The following KIRREL2 variants were observed in gnomAD, a reference collection of about 807,000 sequenced individuals.
KIRREL2 encodes kin of IRRE-like protein 2.
KIRREL2 carries 56 observed loss-of-function variants against 73.4 expected under a neutral mutation model. The observed-to-expected ratio is 0.76, with a 90% CI of 0.62 to 0.95. KIRREL2 has a LOEUF of 0.95. Among genes scored for constraint, KIRREL2 ranks in the 40% least tolerant of loss-of-function variants. The probability of loss-of-function intolerance (pLI) is 0.00; values close to 1 mark genes in which losing one functional copy is unlikely to be tolerated. For missense variants in KIRREL2, 896 were observed against 935.0 expected (o/e 0.96, Z 0.54); for synonymous variants, 407 against 404.0 (o/e 1.01, Z -0.09).
At position 35,862,561 on chromosome 19, in the gene KIRREL2, A is replaced by C. The variant is rs1187283207; in HGVS notation, c.1579A>C (p.Thr527Pro). The change falls in exon 12 of 15, where the codon ACT becomes CCT. Residue 527 changes from threonine to proline, a missense_variant. Transcript: ENST00000360202. ...CACCACAACTCTCCTTATGGTCATC[A>C]CTGGGGTGGCCCTCTGCTGCTGGCG... ...AATTTLLMVI[T>P]GVALCCWRHS... 6.2e-7 allele frequency: 1 copy of C among 1,609,970 alleles called. No homozygotes were observed. The highest frequency in any genetic ancestry group is 8.5e-7 in the Non-Finnish European group (1 of 1,179,914).
At chr19:35,864,814 C>G (rs1414598156) in intron 14 of KIRREL2, 101 bp downstream of exon 14, 5 of 907,078 alleles carry the variant, frequency 5.5e-6, no homozygotes, top group Non-Finnish European at 8.7e-6. Flanking sequence ...CTCCTTTTTC[C>G]TTCTGTTGTC....
intron 13 of KIRREL2, among the ~76,000 whole-genome samples, chr19:35,863,927 C>T (rs1488488575): frequency 6.6e-6 from 1 of 152,116 alleles, no homozygotes; most frequent in Non-Finnish European, 1.5e-5. Context: ...GCACCCGCCA[C>T]CATGTCCAGC....
upstream of KIRREL2, among the ~76,000 whole-genome samples, chr19:35,853,870 AGTCTTGCTCT>A (rs1397286564): frequency 1.6e-5 from 1 of 61,702 alleles, no homozygotes; most frequent in Non-Finnish European, 3.0e-5. Context: ...TTTGAGAGGG[AGTCTTGCTCT>A]GTCACCCAGG....
At chr19:35,856,570 A>T (rs767330571), upstream of KIRREL2, 42 of 160,952 alleles carry the variant, frequency 2.6e-4, no homozygotes, top group Non-Finnish European at 8.2e-5. The surrounding 1 kb of genome is among the most constrained non-coding windows in gnomAD (Gnocchi z 5.9). Flanking sequence ...AGGAGCTCCC[A>T]TTTATAGCTC....
chr19:35,856,841 G>A, upstream of KIRREL2: 1 of 524,630 alleles, frequency 1.9e-6, no homozygotes, highest in Non-Finnish European at 3.4e-6. This position sits in a 1 kb window ranked among gnomAD's most constrained non-coding sequence, Gnocchi z 5.9. Flanking sequence ...TTCTCAACGG[G>A]AAGAGGGCGG....
Position 35,866,430 on chromosome 19 carries a change from C to T in KIRREL2, c.2065C>T (p.Pro689Ser), listed in dbSNP as rs1338488077. The T allele has an allele frequency of 1.9e-6, 3 of 1,604,530 alleles. No homozygotes were observed. The highest frequency in any genetic ancestry group is 1.7e-6 in the Non-Finnish European group (2 of 1,171,384). ...GCCCCCAGATCTGGCCCCCGGGACT[C>T]CCCCCTTCCCATATGCTGCCTTCCC... Reference protein sequence around the residue: ...FGPPDLAPGTPPFPYAAFPTP... With the variant: ...FGPPDLAPGTSPFPYAAFPTP... The change falls in exon 15 of 15, where the codon CCC becomes TCC. Residue 689 changes from proline (P) to serine (S), a missense_variant. By Grantham distance (74) the Pro-to-Ser change is moderately conservative. Coordinates refer to ENST00000360202, the MANE Select transcript of KIRREL2 (RefSeq NM_199180.4).
chr19:35,863,103 G>A (rs924878599), intron 13 of KIRREL2, 67 bp downstream of exon 13: 19 of 904,602 alleles, frequency 2.1e-5, no homozygotes, highest in Non-Finnish European at 3.0e-5. Flanking sequence ...GTCCCAAGAG[G>A]GTCCCCAAAT....
rs563831103 is a variant in KIRREL2, at chr19:35,866,487, G to A, written c.2122G>A (p.Val708Met). Residue 708 changes from valine (V) to methionine (M), a missense_variant, in exon 15 of 15, where the codon GTG becomes ATG. Val to Met is a conservative substitution (Grantham distance 21, BLOSUM62 1). Coordinates refer to ENST00000360202, the MANE Select transcript of KIRREL2 (RefSeq NM_199180.4). ...TPSHPRLQTH[V>M] ...TAGCCACCCGCGTCTCCAGACTCAC[G>A]TGTGACATCTTTCCAATGGAAGAGT... 2.0e-5 allele frequency: 33 copies of A among 1,613,034 alleles called. No homozygotes were observed. Among genetic ancestry groups the A allele is most frequent in the East Asian group, 4.5e-5 (2 of 44,862 alleles).
At chr19:35,855,999 C>T (rs1973409390), upstream of KIRREL2, 1 of 152,374 alleles carries the variant, frequency 6.6e-6, no homozygotes, top group Admixed American at 6.5e-5. Flanking sequence ...CCCCACTCCC[C>T]CATTTAGGGA....
chr19:35,861,608 T>C lies in KIRREL2; in HGVS notation c.1257T>C (p.Cys419=), dbSNP rs1054382605. 1.2e-6 allele frequency: 2 copies of C among 1,613,550 alleles called. No individual in the cohort carries two copies. Among genetic ancestry groups the C allele is most frequent in the Non-Finnish European group, 1.7e-6 (2 of 1,179,874 alleles). Residue 419 remains cysteine, a synonymous_variant, in exon 10 of 15, where the codon TGT becomes TGC. Coordinates refer to ENST00000360202, the MANE Select transcript of KIRREL2 (RefSeq NM_199180.4). ...TGAGGGGCCCTGCTCGCCTCCAGTG[T>C]CTGGTTTTCGCCTCTCCCGCCCCAG... ...AFLRGPARLQ[C]LVFASPAPDA...
chr19:35,863,101 A>C, intron 13 of KIRREL2, 65 bp downstream of exon 13: 1 of 908,980 alleles, frequency 1.1e-6, no homozygotes, highest in Non-Finnish European at 1.7e-6. Flanking sequence ...CAGTCCCAAG[A>C]GGGTCCCCAA....
At chr19:35,861,475 G>A in intron 9 of KIRREL2, 66 bp from the exon 10 acceptor site, 6 of 1,544,046 alleles carry the variant, frequency 3.9e-6, no homozygotes, top group Non-Finnish European at 5.3e-6. Context: ...GGACAGACCC[G>A]GCTTTGTTAC....
chr19:35,861,743 C>T (rs192569494), intron 10 of KIRREL2, 62 bp from the exon 11 acceptor site: 2 of 1,585,604 alleles, frequency 1.3e-6, no homozygotes, highest in East Asian at 4.5e-5. Flanking sequence ...TCCCAGACAT[C>T]CCTCCTGCTT....
At chr19:35,855,144 C>A (rs78492427), upstream of KIRREL2, among the ~76,000 whole-genome samples, 16 of 152,222 alleles carry the variant, frequency 1.1e-4, no homozygotes, top group East Asian at 3.1e-3. Context: ...TGACTCCTTG[C>A]CCTCCTCCCA....
rs1973666615 is a variant in KIRREL2, at chr19:35,861,274, TA to T, written c.1189+21del. 3.9e-6 allele frequency: 6 copies of T among 1,520,614 alleles called. No homozygotes were observed. The African/African-American group carries it at 5.6e-5, about 14-fold the overall frequency. The allele number at this position is 1,520,614 out of a possible 1,614,324, so 94.2% of individuals were successfully genotyped here. Reference sequence around the variant, plus strand: ...TGAACGGTGAGAAGGCGGGGCTTCCTAGGGGACCTGGCCCGTCCTGGGATAG... The same window carrying T: ...TGAACGGTGAGAAGGCGGGGCTTCCTGGGGACCTGGCCCGTCCTGGGATAG... On this transcript the variant is annotated intron_variant, in intron 9 of 14. Transcript: ENST00000360202.
At chr19:35,860,832 T>G in intron 7 of KIRREL2, 77 bp from the exon 8 acceptor site, 1 of 1,605,918 alleles carries the variant, frequency 6.2e-7, no homozygotes, top group African/African-American at 1.3e-5. Context: ...GGTGTGGTGT[T>G]TCTGTGGGGC....
Position 35,866,144 on chromosome 19 carries a change from T to C in KIRREL2, c.1792-13T>C. 1 of 1,593,614 alleles carries C rather than the reference T, an allele frequency of 6.3e-7. No homozygotes were observed. Among genetic ancestry groups the C allele is most frequent in the Admixed American group, 1.9e-5 (1 of 52,680 alleles). ...CGCTCACAGACTTTACTGAGTCCCA[T>C]TTGTCCCCTCAGGACCCAACCAACG... On this transcript the variant is annotated splice_polypyrimidine_tract_variant and intron_variant, in intron 14 of 14. Coordinates refer to ENST00000360202, the MANE Select transcript of KIRREL2 (RefSeq NM_199180.4).
In KIRREL2 at chr19:35,858,436, T is replaced by A; in HGVS notation, c.240T>A (p.Asn80Lys). 1.2e-6 allele frequency: 2 copies of A among 1,614,158 alleles called. No homozygotes were observed. The highest frequency in any genetic ancestry group is 1.1e-5 in the South Asian group (1 of 91,088). The part of the protein sequence containing the change: ...PGWSRYWISG[N>K]AANGQHDLHI... ...GGTCCCGGTACTGGATATCAGGGAA[T>A]GCAGCCAATGGCCAGCATGACCTCC... The change falls in exon 3 of 15, where the codon AAT becomes AAA. Residue 80 changes from asparagine (N) to lysine (K), a missense_variant. Asn to Lys is a moderately conservative substitution (Grantham distance 94). Transcript: ENST00000360202.
Position 35,861,805 on chromosome 19 carries a change from G to T in KIRREL2, c.1291G>T (p.Val431Phe), listed in dbSNP as rs776133283. The T allele has an allele frequency of 6.5e-5, 104 of 1,587,828 alleles. No homozygotes were observed. The highest frequency in any genetic ancestry group is 2.3e-5 in the South Asian group (2 of 88,112). ...TGTCCTCCCTCTTTTGTGCCCCCAG[G>T]TCTGGTCTTGGGATGAGGGCTTCCT... is the stretch of plus-strand genomic sequence containing the variant. Reference protein sequence around the residue: ...VFASPAPDAVVWSWDEGFLEA... With the variant: ...VFASPAPDAVFWSWDEGFLEA... Residue 431 changes from valine to phenylalanine, a missense_variant and splice_region_variant, in exon 11 of 15, where the codon GTC (valine) becomes TTC (phenylalanine). Transcript: ENST00000360202.
Sources: gnomAD v4.1 joint callset for allele counts (sites outside exome capture counted in the v4.1 genomes callset) on GRCh38, gnomAD v4.1.1 for gene constraint, Gnocchi (gnomAD v3.1) non-coding constraint, MANE v1.5 for transcripts, NCBI Gene and HGNC (gene_info 2026-07-23, HGNC 2026-07-21) for gene names.